DNAJC24: variants seen among roughly 807,000 people sequenced by gnomAD.
DNAJC24 encodes the protein DnaJ heat shock protein family (Hsp40) member C24, also known as dnaJ homolog subfamily C member 24.
A neutral mutation model predicts 18.0 loss-of-function variants in DNAJC24; 17 were observed. That is an observed-to-expected ratio of 0.94 (90% CI 0.65 to 1.42). The LOEUF (loss-of-function observed/expected upper bound fraction) is 1.42, where lower values mean the gene tolerates loss of function less well. Ranked by LOEUF, DNAJC24 falls within the 40% of genes most tolerant of loss-of-function variation. The pLI is 0.00. For synonymous variants in DNAJC24, 55 were observed against 57.7 expected, an observed-to-expected ratio of 0.95 and a Z score of 0.21; for missense variants, 158 against 175.6, an observed-to-expected ratio of 0.90 and a Z score of 0.57.
intron 2 of DNAJC24, among the ~76,000 whole-genome samples, chr11:31,397,338 G>A (rs1310736992): frequency 2.6e-5 from 4 of 152,160 alleles, no homozygotes; most frequent in Admixed American, 2.6e-4. Flanking sequence ...AACCTTAAAA[G>A]AGTTTAAAAA....
At chr11:31,415,062 TA>T in intron 3 of DNAJC24, 113 bp downstream of exon 3, 1 of 1,146,908 alleles carries the variant, frequency 8.7e-7, no homozygotes, top group African/African-American at 1.6e-5. Flanking sequence ...TTGTTGCCTT[TA>T]TTCCTCCCCT....
intron 2 of DNAJC24, among the ~76,000 whole-genome samples, chr11:31,387,748 C>T (rs564525664): frequency 6.6e-6 from 1 of 152,264 alleles, no homozygotes; most frequent in African/African-American, 2.4e-5. Context: ...CAGGAAAACA[C>T]GACCTCACCA....
chr11:31,416,872 G>A (rs1017256458), intron 3 of DNAJC24: 1 of 152,090 alleles, frequency 6.6e-6, no homozygotes, highest in African/African-American at 2.4e-5. Flanking sequence ...AAGGTCCTTG[G>A]AACTGCGGAT....
At chr11:31,399,217 A>G (rs1221132458) in intron 2 of DNAJC24, among the ~76,000 whole-genome samples, 1 of 152,204 alleles carries the variant, frequency 6.6e-6, no homozygotes, top group East Asian at 1.9e-4. Context: ...GAAAAAAGGC[A>G]TGTTACTAAC....
chr11:31,412,784 G>A (rs546262864), intron 2 of DNAJC24, among the ~76,000 whole-genome samples: 8 of 152,252 alleles, frequency 5.3e-5, no homozygotes, highest in African/African-American at 1.2e-4. Flanking sequence ...ATTGTTTGCC[G>A]TAGAATCTTT....
intron 4 of DNAJC24, chr11:31,427,849 G>A (rs1952878216): frequency 6.6e-6 from 1 of 150,800 alleles, no homozygotes; most frequent in Non-Finnish European, 1.5e-5. Context: ...AATACGGGCT[G>A]GAAGCCTGGA....
chr11:31,397,195 T>G (rs1051329208), intron 2 of DNAJC24, among the ~76,000 whole-genome samples: 5 of 152,202 alleles, frequency 3.3e-5, no homozygotes, highest in African/African-American at 9.6e-5. Flanking sequence ...GGATCCCTGT[T>G]TATTCATCAT....
At chr11:31,420,672 A>G (rs575660035) in intron 3 of DNAJC24, among the ~76,000 whole-genome samples, 1 of 152,244 alleles carries the variant, frequency 6.6e-6, no homozygotes, top group South Asian at 2.1e-4. Flanking sequence ...TGTGAGGAAG[A>G]TATTAATACC....
intron 2 of DNAJC24, among the ~76,000 whole-genome samples, chr11:31,412,200 T>C (rs956730078): frequency 6.6e-6 from 1 of 152,188 alleles, no homozygotes; most frequent in Non-Finnish European, 1.5e-5. Context: ...TTCCTGGTTT[T>C]ATAGGGCTTT....
At chr11:31,393,413 C>G (rs1952517081) in intron 2 of DNAJC24, among the ~76,000 whole-genome samples, 1 of 152,108 alleles carries the variant, frequency 6.6e-6, no homozygotes, top group African/African-American at 2.4e-5. Flanking sequence ...GAATATTTGT[C>G]CTGTCTAAAA....
chr11:31,394,430 A>T (rs1164378035), intron 2 of DNAJC24, among the ~76,000 whole-genome samples: 1 of 152,156 alleles, frequency 6.6e-6, no homozygotes, highest in Non-Finnish European at 1.5e-5. Context: ...TAGGAAGTAG[A>T]TGAATTTGCA....
intron 2 of DNAJC24, among the ~76,000 whole-genome samples, chr11:31,390,875 A>G (rs1484735836): frequency 3.9e-5 from 6 of 152,166 alleles, no homozygotes; most frequent in Non-Finnish European, 8.8e-5. Context: ...CAAGGCCATT[A>G]TTACCCTGAT....
intron 2 of DNAJC24, among the ~76,000 whole-genome samples, chr11:31,382,903 G>A (rs1952390542): frequency 6.6e-6 from 1 of 152,128 alleles, no homozygotes; most frequent in South Asian, 2.1e-4. Flanking sequence ...CTGACTGACT[G>A]GCTGTAAATC....
At chr11:31,426,428 G>T in intron 4 of DNAJC24, 73 bp downstream of exon 4, 5 of 833,504 alleles carry the variant, frequency 6.0e-6, no homozygotes, top group Non-Finnish European at 9.3e-6. Flanking sequence ...AAACTCATTG[G>T]ATATTTGGAA....
intron 3 of DNAJC24, among the ~76,000 whole-genome samples, chr11:31,425,907 A>C (rs924811200): frequency 1.3e-5 from 2 of 152,218 alleles, no homozygotes; most frequent in Non-Finnish European, 2.9e-5. Context: ...ATCTAAGTCC[A>C]CACTGCTTTC....
chr11:31,415,577 G>C (rs1400067851), intron 3 of DNAJC24: 1 of 152,252 alleles, frequency 6.6e-6, no homozygotes, highest in Non-Finnish European at 1.5e-5. Context: ...GTCACACATG[G>C]ACTGCAGTTA....
At chr11:31,421,295 T>C (rs1952801725) in intron 3 of DNAJC24, among the ~76,000 whole-genome samples, 1 of 152,202 alleles carries the variant, frequency 6.6e-6, no homozygotes, top group African/African-American at 2.4e-5. Context: ...TTACTTGGTT[T>C]TAAGAGAGCA....
chr11:31,425,831 A>C (rs1297411001), intron 3 of DNAJC24, among the ~76,000 whole-genome samples: 1 of 152,204 alleles, frequency 6.6e-6, no homozygotes, highest in East Asian at 1.9e-4. Context: ...AGAGATGAAC[A>C]AACCAATACA....
intron 2 of DNAJC24, chr11:31,408,226 G>A: frequency 2.2e-6 from 1 of 456,014 alleles, no homozygotes; most frequent in Admixed American, 2.4e-5. Flanking sequence ...CTTGTTTTAA[G>A]CAGTCAAGGC....
Sources: gnomAD v4.1 joint callset for allele counts (sites outside exome capture counted in the v4.1 genomes callset) on GRCh38, gnomAD v4.1.1 for gene constraint, MANE v1.5 for transcripts, NCBI Gene and HGNC (gene_info 2026-07-23, HGNC 2026-07-21) for gene names.